Variants in SNTB1 observed in about 807,000 individuals in gnomAD.
The protein encoded by SNTB1 is beta-1-syntrophin.
In SNTB1, 36 loss-of-function variants were observed where a neutral mutation model predicts 48.9. The ratio of observed to expected loss-of-function variants is 0.74; its 90% CI spans 0.56 to 0.97. The LOEUF (loss-of-function observed/expected upper bound fraction) is 0.97, where lower values mean the gene tolerates loss of function less well. SNTB1 is among the 50% of genes least tolerant of loss of function. The pLI is 0.00. For missense variants in SNTB1, 786 were observed against 703.4 expected (o/e 1.12, Z -1.33); for synonymous variants, 299 against 294.6 (o/e 1.01, Z -0.15).
chr8:120,755,873 T>C (rs1252455601), intron 1 of SNTB1, among the ~76,000 whole-genome samples: 2 of 152,138 alleles, frequency 1.3e-5, no homozygotes, highest in Non-Finnish European at 2.9e-5. Flanking sequence ...AACCCCCATT[T>C]GCCAGATAAA....
intron 3 of SNTB1, among the ~76,000 whole-genome samples, chr8:120,598,910 T>TGGCCTCCCTC (rs1563827984): frequency 6.6e-6 from 1 of 152,174 alleles, no homozygotes; most frequent in Non-Finnish European, 1.5e-5. Context: ...AAGTCTCCCT[T>TGGCCTCCCTC]GGCCTCCCTC....
chr8:120,566,488 GGA>G (rs1359084556), intron 4 of SNTB1, among the ~76,000 whole-genome samples: 2 of 151,960 alleles, frequency 1.3e-5, no homozygotes, highest in Non-Finnish European at 2.9e-5. Flanking sequence ...CCTTGATCTT[GGA>G]CTTCCCAGTC....
chr8:120,760,385 G>A (rs1257709547), intron 1 of SNTB1, among the ~76,000 whole-genome samples: 1 of 151,306 alleles, frequency 6.6e-6, no homozygotes, highest in East Asian at 1.9e-4. Context: ...TGCTAAAACC[G>A]AAGAGGGGGT....
At chr8:120,556,780 C>T (rs1484008094) in intron 4 of SNTB1, among the ~76,000 whole-genome samples, 1 of 152,220 alleles carries the variant, frequency 6.6e-6, no homozygotes, top group Non-Finnish European at 1.5e-5. Flanking sequence ...TCTGTGAAAT[C>T]TTTCTCTTGA....
intron 3 of SNTB1, among the ~76,000 whole-genome samples, chr8:120,585,012 T>G (rs887208915): frequency 1.1e-4 from 17 of 152,176 alleles, no homozygotes; most frequent in African/African-American, 4.1e-4. Flanking sequence ...AGCTGACACC[T>G]TAATCTCCTA....
At chr8:120,557,777 A>T (rs996318562) in intron 4 of SNTB1, among the ~76,000 whole-genome samples, 2 of 152,218 alleles carry the variant, frequency 1.3e-5, no homozygotes, top group African/African-American at 4.8e-5. Context: ...TAGGTGTTCA[A>T]TAAATGTTGG....
intron 2 of SNTB1, among the ~76,000 whole-genome samples, chr8:120,644,493 C>T (rs1817249990): frequency 6.6e-6 from 1 of 152,040 alleles, no homozygotes. Flanking sequence ...GACATGAACT[C>T]ATCATTTTTT....
At chr8:120,751,660 T>C (rs1270805347) in intron 1 of SNTB1, among the ~76,000 whole-genome samples, 1 of 152,276 alleles carries the variant, frequency 6.6e-6, no homozygotes, top group Admixed American at 6.5e-5. Flanking sequence ...CATTTATATA[T>C]AGAAATTCCT....
At chr8:120,737,437 A>C (rs1818966559) in intron 1 of SNTB1, among the ~76,000 whole-genome samples, 1 of 152,238 alleles carries the variant, frequency 6.6e-6, no homozygotes, top group Admixed American at 6.5e-5. Flanking sequence ...GGAACATACT[A>C]AGAGAGGAAG....
rs1817984987 is a variant in SNTB1 at position 120,684,051 on chromosome 8, G to A, written c.788+9641C>T. ...TACATTTATTGATCACAGTTCTGGG[G>A]ACTGGAAAGTCCAAGATCAAGACAC... On this transcript the variant is annotated intron_variant, in intron 2 of 6. Transcript: ENST00000517992. Among the ~76,000 whole-genome samples, 8 of 152,274 alleles carry A rather than the reference G, an allele frequency of 5.3e-5. No individual in the cohort carries two copies. The South Asian group carries it at 1.7e-3, about 32-fold the overall frequency.
intron 1 of SNTB1, among the ~76,000 whole-genome samples, chr8:120,781,808 C>CAAGAA (rs1819834245): frequency 6.6e-6 from 1 of 152,120 alleles, no homozygotes; most frequent in African/African-American, 2.4e-5. Flanking sequence ...AAGAGAAGAA[C>CAAGAA]AAGAAAAGTC....
intron 3 of SNTB1, among the ~76,000 whole-genome samples, chr8:120,587,239 AACAG>A (rs1332213040): frequency 1.3e-5 from 2 of 151,866 alleles, no homozygotes; most frequent in African/African-American, 2.4e-5. Flanking sequence ...AACAAAACAA[AACAG>A]ACAAACAAAC....
intron 1 of SNTB1, among the ~76,000 whole-genome samples, chr8:120,731,379 G>A (rs1487111252): frequency 6.6e-6 from 1 of 152,086 alleles, no homozygotes; most frequent in Non-Finnish European, 1.5e-5. Context: ...TGTAAAAAGG[G>A]GCAGCAGCTC....
At chr8:120,793,050 T>G (rs984749091) in intron 1 of SNTB1, among the ~76,000 whole-genome samples, 1 of 152,002 alleles carries the variant, frequency 6.6e-6, no homozygotes, top group African/African-American at 2.4e-5. Flanking sequence ...GGCTCCATAC[T>G]AAGAGGTGCT....
intron 4 of SNTB1, chr8:120,571,434 A>T: frequency 1.4e-6 from 1 of 690,558 alleles, no homozygotes; most frequent in South Asian, 1.5e-5. Flanking sequence ...GCACAGCCTG[A>T]GTCTTTGTGT....
chr8:120,763,961 A>T (rs1216784988), intron 1 of SNTB1, among the ~76,000 whole-genome samples: 2 of 152,216 alleles, frequency 1.3e-5, no homozygotes, highest in Non-Finnish European at 2.9e-5. Flanking sequence ...GAGCAAAAAT[A>T]TATCATCAGA....
At chr8:120,724,239 T>C (rs990669628) in intron 1 of SNTB1, among the ~76,000 whole-genome samples, 2 of 152,236 alleles carry the variant, frequency 1.3e-5, no homozygotes, top group African/African-American at 2.4e-5. Flanking sequence ...CCAGCTCTTG[T>C]ACACTCTGAC....
chr8:120,677,467 T>A (rs1817856139), intron 2 of SNTB1, among the ~76,000 whole-genome samples: 1 of 152,224 alleles, frequency 6.6e-6, no homozygotes, highest in East Asian at 1.9e-4. Context: ...AAAATCATGA[T>A]GTGGTTTTCG....
In SNTB1 at chr8:120,538,610, T is replaced by A; in HGVS notation, c.*267A>T. 1 of 535,030 alleles carries A rather than the reference T, an allele frequency of 1.9e-6. No individual in the cohort carries two copies. Among genetic ancestry groups the A allele is most frequent in the Admixed American group, 2.2e-5 (1 of 44,870 alleles). The allele number at this position is 535,030 out of a possible 1,614,324, so 33.1% of individuals were successfully genotyped here. On this transcript the variant is annotated 3_prime_UTR_variant, in exon 7 of 7. Coordinates refer to ENST00000517992, the MANE Select transcript of SNTB1 (RefSeq NM_021021.4). ...GGTTGTCATTATTTCAAAGCTATGC[T>A]GTGTATTTCCCGTCACCTCACCTCT...
Sources: allele counts gnomAD v4.1 joint callset (sites outside exome capture counted in the v4.1 genomes callset), GRCh38; gene constraint gnomAD v4.1.1; transcripts MANE v1.5; gene names NCBI Gene and HGNC (gene_info 2026-07-23, HGNC 2026-07-21).